Variants in EPB41L1 observed in about 807,000 individuals in gnomAD.
EPB41L1 encodes the protein erythrocyte membrane protein band 4.1 like 1, also known as band 4.1-like protein 1.
In EPB41L1, 29 loss-of-function variants were observed where a neutral mutation model predicts 97.8. The observed-to-expected ratio is 0.30, with a 90% CI of 0.22 to 0.40. The LOEUF is 0.40. Among genes scored for constraint, EPB41L1 ranks in the 10% least tolerant of loss-of-function variants. The pLI is 1.00. For synonymous variants in EPB41L1, 383 were observed against 459.2 expected, an observed-to-expected ratio of 0.83 and a Z score of 2.12; for missense variants, 812 against 1,162.3, an observed-to-expected ratio of 0.70 and a Z score of 4.38.
intron 1 of EPB41L1, among the ~76,000 whole-genome samples, chr20:36,157,674 G>A (rs2060364555): frequency 6.6e-6 from 1 of 152,174 alleles, no homozygotes; most frequent in Non-Finnish European, 1.5e-5. Context: ...AGTGCTGAGG[G>A]GTAGGGGTAG....
intron 2 of EPB41L1, among the ~76,000 whole-genome samples, chr20:36,147,188 G>T (rs530466375): frequency 4.6e-5 from 7 of 152,204 alleles, no homozygotes; most frequent in Non-Finnish European, 8.8e-5. Context: ...AGGAAAAAAA[G>T]ATAGAAACAG....
chr20:36,189,865 G>A (rs930978203), intron 9 of EPB41L1, among the ~76,000 whole-genome samples: 3 of 152,192 alleles, frequency 2.0e-5, no homozygotes, highest in Non-Finnish European at 4.4e-5. Flanking sequence ...TATTGATTCA[G>A]TGAATGAACA....
intron 2 of EPB41L1, among the ~76,000 whole-genome samples, chr20:36,129,620 G>A (rs1008502806): frequency 1.3e-5 from 2 of 152,034 alleles, no homozygotes; most frequent in Admixed American, 6.6e-5. Context: ...CCCACTTTCT[G>A]GCTTTCTCAC....
At chr20:36,169,601 A>G (rs2060894875) in intron 1 of EPB41L1, among the ~76,000 whole-genome samples, 1 of 152,208 alleles carries the variant, frequency 6.6e-6, no homozygotes, top group Non-Finnish European at 1.5e-5. Context: ...CTGAAGTGCC[A>G]GAATGTCAAG....
At chr20:36,123,969 C>T (rs953194076) in intron 2 of EPB41L1, among the ~76,000 whole-genome samples, 1 of 152,164 alleles carries the variant, frequency 6.6e-6, no homozygotes, top group South Asian at 2.1e-4. Flanking sequence ...ACAAATTTGG[C>T]TGGGTGCAGT....
chr20:36,150,066 TTTTG>T (rs1344504532), upstream of EPB41L1, among the ~76,000 whole-genome samples: 2 of 151,914 alleles, frequency 1.3e-5, no homozygotes, highest in African/African-American at 2.4e-5. Flanking sequence ...CATAAGGTTT[TTTTG>T]TTTTTTTTTT....
In EPB41L1 at chr20:36,209,600, T is replaced by C. The variant is rs558063607; in HGVS notation, c.1781T>C (p.Leu594Pro). 20 of 1,614,062 alleles carry C rather than the reference T, an allele frequency of 1.2e-5. No homozygotes were observed. The South Asian group carries it at 1.8e-4, about 14-fold the overall frequency. Residue 594 changes from leucine (L) to proline (P), a missense_variant, in exon 15 of 22, where the codon CTG (leucine) becomes CCG (proline). Leu to Pro is a moderately conservative substitution (Grantham distance 98). Coordinates refer to ENST00000338074, the MANE Select transcript of EPB41L1 (RefSeq NM_012156.2). The surrounding 1 kb of genome is among the most constrained non-coding windows in gnomAD (Gnocchi z 4.2). ...DQDQERDTVF[L>P]KDNHLAIERK... is the part of the protein sequence containing the mutation. Reference sequence around the variant, plus strand: ...GACCAGGAGAGGGACACGGTGTTCCTGAAGGACAACCACCTGGCCATTGAG... The same window carrying C: ...GACCAGGAGAGGGACACGGTGTTCCCGAAGGACAACCACCTGGCCATTGAG...
intron 1 of EPB41L1, among the ~76,000 whole-genome samples, chr20:36,104,206 A>T (rs1446999041): frequency 3.3e-5 from 5 of 152,116 alleles, no homozygotes; most frequent in Non-Finnish European, 5.9e-5. Flanking sequence ...TCATTAGTGT[A>T]GAGGTGACAA....
intron 17 of EPB41L1, among the ~76,000 whole-genome samples, chr20:36,216,455 T>C (rs1313282831): frequency 1.3e-5 from 2 of 152,234 alleles, no homozygotes; most frequent in Admixed American, 6.5e-5. Flanking sequence ...AAATGTCATA[T>C]ACCAAGTTCA....
At chr20:36,211,144 TG>T (rs2063107367) in intron 15 of EPB41L1, among the ~76,000 whole-genome samples, 1 of 142,888 alleles carries the variant, frequency 7.0e-6, no homozygotes, top group South Asian at 2.1e-4. Context: ...CCCAGCACTT[TG>T]GGAGGCTGAG....
In EPB41L1 at chr20:36,178,632, C is replaced by T. The variant is rs765372272; in HGVS notation, c.450C>T (p.Asn150=). 1 of 1,614,154 alleles carries T rather than the reference C, an allele frequency of 6.2e-7. No homozygotes were observed. Among genetic ancestry groups the T allele is most frequent in the Admixed American group, 1.7e-5 (1 of 60,026 alleles). ...LTFCDADSQK[N]WLDPSKEIKK... is the part of the protein sequence containing the mutation. ...AAGATCTCTATCTTTTCTTTTAGAA[C>T]TGGCTGGACCCCTCCAAGGAGATCA... Residue 150 remains asparagine (N), a splice_region_variant and synonymous_variant, in exon 5 of 22, where the codon AAC becomes AAT. Transcript: ENST00000338074.
At chr20:36,187,803 T>C in intron 8 of EPB41L1, 40 bp downstream of exon 8, 1 of 1,583,236 alleles carries the variant, frequency 6.3e-7, no homozygotes, top group Admixed American at 1.7e-5. Context: ...GTCTGGGTGG[T>C]GCCCCCAAAG....
At chr20:36,198,533 C>T (rs530819589) in intron 14 of EPB41L1, among the ~76,000 whole-genome samples, 9 of 152,156 alleles carry the variant, frequency 5.9e-5, no homozygotes, top group African/African-American at 1.2e-4. Context: ...GAAGGGGCTT[C>T]GGAGTCCACT....
chr20:36,128,110 TGG>T (rs2059045574), intron 2 of EPB41L1, among the ~76,000 whole-genome samples: 1 of 152,148 alleles, frequency 6.6e-6, no homozygotes, highest in Non-Finnish European at 1.5e-5. Context: ...TCAGCAGTCC[TGG>T]GTTCCAGGCC....
intron 2 of EPB41L1, among the ~76,000 whole-genome samples, chr20:36,175,107 G>A (rs769932348): frequency 5.9e-5 from 9 of 152,164 alleles, no homozygotes; most frequent in Non-Finnish European, 1.2e-4. Flanking sequence ...GGCGGGCGGC[G>A]GTGGGGCAGG....
Position 36,185,323 on chromosome 20 carries a change from A to G in EPB41L1, c.773A>G (p.His258Arg). 6.2e-7 allele frequency: 1 copy of G among 1,612,896 alleles called. No homozygotes were observed. Among genetic ancestry groups the G allele is most frequent in the Non-Finnish European group, 8.5e-7 (1 of 1,179,994 alleles). Residue 258 changes from histidine to arginine, a missense_variant, in exon 7 of 22, where the codon CAT (histidine) becomes CGT (arginine). Coordinates refer to ENST00000338074, the MANE Select transcript of EPB41L1 (RefSeq NM_012156.2). ...CTGGAGGAGAGGATCATGGAGCTGC[A>G]TAAGACATATAGGTAAGAGGGTGCC... The part of the protein sequence containing the change: ...RELEERIMEL[H>R]KTYRGMTPGE...
chr20:36,185,729 C>G (rs2061657389), intron 7 of EPB41L1, among the ~76,000 whole-genome samples: 1 of 152,190 alleles, frequency 6.6e-6, no homozygotes, highest in South Asian at 2.1e-4. Context: ...CCTATACTGG[C>G]TCTGCCACTT....
chr20:36,142,779 A>G (rs2059689752), intron 2 of EPB41L1, among the ~76,000 whole-genome samples: 2 of 152,112 alleles, frequency 1.3e-5, no homozygotes, highest in South Asian at 2.1e-4. Flanking sequence ...TGTATTGGTT[A>G]TGGGAGGCTG....
intron 1 of EPB41L1, among the ~76,000 whole-genome samples, chr20:36,111,111 C>A (rs2058386674): frequency 6.6e-6 from 1 of 152,160 alleles, no homozygotes; most frequent in South Asian, 2.1e-4. Context: ...TTAGTCCCCC[C>A]ATTAGCCCTG....
Sources: gnomAD v4.1 joint callset for allele counts (sites outside exome capture counted in the v4.1 genomes callset) on GRCh38, gnomAD v4.1.1 for gene constraint, Gnocchi (gnomAD v3.1) non-coding constraint, MANE v1.5 for transcripts, NCBI Gene and HGNC (gene_info 2026-07-23, HGNC 2026-07-21) for gene names.